DGKB: variants seen among roughly 807,000 people sequenced by gnomAD.
DGKB encodes diacylglycerol kinase beta, also known as 90 kDa diacylglycerol kinase.
Under a neutral mutation model 114.3 loss-of-function variants are expected in DGKB, and 67 were observed. The observed-to-expected ratio is 0.59, with a 90% CI of 0.48 to 0.72. The LOEUF is 0.72. DGKB is among the 30% of genes least tolerant of loss of function. The pLI is 0.00. For missense variants in DGKB, 907 were observed against 975.2 expected (o/e 0.93, Z 0.93); for synonymous variants, 398 against 323.1 (o/e 1.23, Z -2.49).
intron 21 of DGKB, among the ~76,000 whole-genome samples, chr7:14,458,251 TAATA>T (rs1209866843): frequency 6.6e-6 from 1 of 152,184 alleles, no homozygotes; most frequent in African/African-American, 2.4e-5. Context: ...ATTAAAAATT[TAATA>T]AATTCTTATG....
At position 14,621,462 on chromosome 7, in the gene DGKB, A is replaced by G. The variant is rs771708162; in HGVS notation, c.1200T>C (p.Ser400=). Residue 400 remains serine, a synonymous_variant, in exon 15 of 26, where the codon AGT becomes AGC. Coordinates refer to ENST00000402815, the MANE Select transcript of DGKB (RefSeq NM_001350709.2). Reference sequence around the variant, plus strand: ...TCACTTTGTTTGGCTGCTGGGAACCACTCTTTTCCTTTTTCACTGTTGATT... The same window carrying G: ...TCACTTTGTTTGGCTGCTGGGAACCGCTCTTTTCCTTTTTCACTGTTGATT... ...ERQSTVKKEK[S]GSQQPNKVID... 2 of 1,609,440 alleles carry G rather than the reference A, an allele frequency of 1.2e-6. No individual in the cohort carries two copies. Among genetic ancestry groups the G allele is most frequent in the Admixed American group, 1.7e-5 (1 of 59,678 alleles).
intron 2 of DGKB, among the ~76,000 whole-genome samples, chr7:14,818,260 T>C (rs775953283): frequency 1.3e-5 from 2 of 152,182 alleles, no homozygotes; most frequent in South Asian, 2.1e-4. Flanking sequence ...AGTTTAAAGG[T>C]ATTTTCCAGA....
chr7:14,349,864 G>A (rs1031887682), intron 21 of DGKB, among the ~76,000 whole-genome samples: 1 of 151,952 alleles, frequency 6.6e-6, no homozygotes, highest in East Asian at 1.9e-4. Context: ...ACATAGCTTT[G>A]GACTTTAAGA....
chr7:14,492,157 C>T (rs1784683891), intron 20 of DGKB, among the ~76,000 whole-genome samples: 1 of 151,598 alleles, frequency 6.6e-6, no homozygotes, highest in Admixed American at 6.6e-5. Flanking sequence ...GACATAAAAC[C>T]TATAAGGGGA....
chr7:14,828,725 G>T (rs550470001), intron 2 of DGKB, among the ~76,000 whole-genome samples: 1 of 152,214 alleles, frequency 6.6e-6, no homozygotes, highest in Non-Finnish European at 1.5e-5. Flanking sequence ...GCAGTCTAAA[G>T]TTTCTGCATT....
chr7:14,300,599 T>G (rs1205395676), intron 23 of DGKB, among the ~76,000 whole-genome samples: 1 of 152,124 alleles, frequency 6.6e-6, no homozygotes, highest in Non-Finnish European at 1.5e-5. Context: ...GCAGTCAAAT[T>G]TAAATATTCT....
chr7:14,210,599 A>G (rs188279538), intron 23 of DGKB, among the ~76,000 whole-genome samples: 2 of 152,206 alleles, frequency 1.3e-5, no homozygotes, highest in African/African-American at 4.8e-5. Flanking sequence ...GAATGAATCA[A>G]TGTGGTCGGG....
At chr7:14,198,585 T>G (rs1785358657) in intron 23 of DGKB, among the ~76,000 whole-genome samples, 1 of 151,970 alleles carries the variant, frequency 6.6e-6, no homozygotes, top group Admixed American at 6.6e-5. Context: ...TAATAGAAAA[T>G]AAGCCTGCCT....
intron 21 of DGKB, among the ~76,000 whole-genome samples, chr7:14,424,668 C>A (rs936773326): frequency 1.5e-4 from 23 of 151,896 alleles, no homozygotes; most frequent in African/African-American, 5.6e-4. Context: ...AGCTTCAAAC[C>A]GGGTCTCCGG....
intron 20 of DGKB, among the ~76,000 whole-genome samples, chr7:14,563,990 A>G (rs1304578178): frequency 2.6e-5 from 4 of 152,200 alleles, no homozygotes; most frequent in Non-Finnish European, 4.4e-5. Context: ...GCTCTGTGTT[A>G]GACCCATCAG....
chr7:14,460,912 A>G (rs1832983433), intron 21 of DGKB, among the ~76,000 whole-genome samples: 1 of 152,114 alleles, frequency 6.6e-6, no homozygotes, highest in Non-Finnish European at 1.5e-5. Context: ...CTCAGACCAC[A>G]GTGCAATCAA....
chr7:14,409,293 G>A (rs535900447), intron 21 of DGKB, among the ~76,000 whole-genome samples: 1 of 152,030 alleles, frequency 6.6e-6, no homozygotes, highest in Admixed American at 6.6e-5. Context: ...CAGTCCTTGT[G>A]TACTTTTCAT....
At chr7:14,760,207 G>A (rs181394254) in intron 2 of DGKB, among the ~76,000 whole-genome samples, 1 of 152,012 alleles carries the variant, frequency 6.6e-6, no homozygotes, top group East Asian at 1.9e-4. Context: ...TGTATAATTT[G>A]CTGGCATTTT....
intron 23 of DGKB, among the ~76,000 whole-genome samples, chr7:14,204,041 C>A (rs781705125): frequency 1.7e-4 from 26 of 151,898 alleles, no homozygotes; most frequent in Admixed American, 3.3e-4. Context: ...CCAGTGACAT[C>A]TATTTGAGAA....
intron 4 of DGKB, among the ~76,000 whole-genome samples, chr7:14,740,298 A>T (rs1415117037): frequency 6.7e-6 from 1 of 148,414 alleles, no homozygotes; most frequent in Non-Finnish European, 1.5e-5. Context: ...AGGTAGTTAC[A>T]GTTTTTGCTA....
intron 21 of DGKB, among the ~76,000 whole-genome samples, chr7:14,473,231 G>C (rs1270437575): frequency 6.6e-6 from 1 of 152,150 alleles, no homozygotes; most frequent in South Asian, 2.1e-4. Context: ...CAAGGGACTT[G>C]GTGTCCTGTG....
intron 21 of DGKB, among the ~76,000 whole-genome samples, chr7:14,387,891 T>C (rs1317911854): frequency 6.6e-6 from 1 of 150,984 alleles, no homozygotes; most frequent in East Asian, 1.9e-4. Flanking sequence ...CTTTTTTTTT[T>C]TTTTTTTTGA....
chr7:14,697,776 G>GAAAGAAAGAAACAA (rs781493498), intron 8 of DGKB, among the ~76,000 whole-genome samples: 19 of 100,776 alleles, frequency 1.9e-4, no homozygotes, highest in Admixed American at 6.6e-4. Flanking sequence ...AAGAAACAAA[G>GAAAGAAAGAAACAA]AGAAAGAAAG....
At chr7:14,652,791 T>C (rs1814853866) in intron 13 of DGKB, among the ~76,000 whole-genome samples, 1 of 151,792 alleles carries the variant, frequency 6.6e-6, no homozygotes, top group Non-Finnish European at 1.5e-5. Context: ...TACAATGAAC[T>C]CAAACAAATT....
Sources: allele counts gnomAD v4.1 joint callset (sites outside exome capture counted in the v4.1 genomes callset), GRCh38; gene constraint gnomAD v4.1.1; transcripts MANE v1.5; gene names NCBI Gene and HGNC (gene_info 2026-07-23, HGNC 2026-07-21).